Variants in AGK observed in about 807,000 individuals in gnomAD.
AGK encodes acylglycerol kinase, mitochondrial.
In AGK, 52 loss-of-function variants were observed where a neutral mutation model predicts 66.4. That is an observed-to-expected ratio of 0.78 (90% CI 0.63 to 0.99). AGK has a LOEUF of 0.99. AGK is among the 50% of genes least tolerant of loss of function. The pLI is 0.00. For missense variants in AGK, 451 were observed against 506.6 expected, an observed-to-expected ratio of 0.89 and a Z score of 1.05; for synonymous variants, 182 against 181.1, an observed-to-expected ratio of 1.00 and a Z score of -0.04.
At chr7:141,642,128 C>T (rs1009876881) in intron 13 of AGK, among the ~76,000 whole-genome samples, 10 of 152,312 alleles carry the variant, frequency 6.6e-5, no homozygotes, top group African/African-American at 2.2e-4. Context: ...GCTCTGATTA[C>T]ATGTTCTGCT....
chr7:141,565,842 C>T (rs1587066917), intron 2 of AGK, among the ~76,000 whole-genome samples: 1 of 152,276 alleles, frequency 6.6e-6, no homozygotes, highest in South Asian at 2.1e-4. Flanking sequence ...ACAGCCTCCT[C>T]ACTGTTCTGG....
chr7:141,624,034 T>C (rs1796882838), intron 9 of AGK, among the ~76,000 whole-genome samples: 1 of 152,060 alleles, frequency 6.6e-6, no homozygotes, highest in African/African-American at 2.4e-5. Context: ...GTTTACTGAA[T>C]ATTTTAAGCC....
chr7:141,567,492 A>G (rs543868220), intron 2 of AGK, among the ~76,000 whole-genome samples: 1 of 152,122 alleles, frequency 6.6e-6, no homozygotes, highest in Admixed American at 6.5e-5. Context: ...CCAAGTTTCA[A>G]AGAAAAAAAA....
intron 4 of AGK, 148 bp downstream of exon 4, chr7:141,596,789 T>C (rs770650517): frequency 3.0e-6 from 2 of 661,442 alleles, no homozygotes; most frequent in Non-Finnish European, 5.2e-6. Context: ...AATGTAGAAA[T>C]AACAGTTAAA....
At position 141,596,298 on chromosome 7, in the gene AGK, G is replaced by A. The variant is rs185610803; in HGVS notation, c.142-264G>A. ...ATAATAAACCTAGCTATATCTTATA[G>A]AGAAAATAAATGTTATTTGCCTCTA... On this transcript the variant is annotated intron_variant, in intron 3 of 15. Coordinates refer to ENST00000649286, the MANE Select transcript of AGK (RefSeq NM_018238.4). Among the ~76,000 whole-genome samples the A allele has an allele frequency of 3.0e-4, 46 of 152,224 alleles. No individual in the cohort carries two copies. The East Asian group carries it at 8.5e-3, about 28-fold the overall frequency.
intron 7 of AGK, 104 bp from the exon 8 acceptor site, chr7:141,615,367 G>A: frequency 1.2e-6 from 1 of 825,984 alleles, no homozygotes; most frequent in Non-Finnish European, 2.0e-6. Context: ...TGGGGAGGCA[G>A]ATACAGGGTC....
intron 14 of AGK, 98 bp from the exon 15 acceptor site, chr7:141,651,427 T>C (rs947377163): frequency 2.5e-5 from 23 of 936,158 alleles, no homozygotes; most frequent in Non-Finnish European, 3.1e-5. Context: ...TGTCCACTTA[T>C]GTAAGCTCAT....
intron 9 of AGK, among the ~76,000 whole-genome samples, chr7:141,629,782 T>TC (rs1562978852): frequency 6.6e-6 from 1 of 151,244 alleles, no homozygotes; most frequent in African/African-American, 2.4e-5. Flanking sequence ...TAAAAACTCT[T>TC]CCCCCCGAGA....
At chr7:141,578,610 G>C (rs1293020238) in intron 2 of AGK, among the ~76,000 whole-genome samples, 3 of 151,918 alleles carry the variant, frequency 2.0e-5, no homozygotes, top group Admixed American at 6.5e-5. Flanking sequence ...CAGGAGTAGG[G>C]GCAGTGTGGG....
At chr7:141,593,536 A>T in intron 3 of AGK, 2 of 600,732 alleles carry the variant, frequency 3.3e-6, no homozygotes, top group Non-Finnish European at 5.9e-6. Flanking sequence ...ACCCCCAAGG[A>T]TATCAGTTCA....
chr7:141,594,592 C>T (rs1796190921), intron 3 of AGK, among the ~76,000 whole-genome samples: 1 of 152,158 alleles, frequency 6.6e-6, no homozygotes, highest in African/African-American at 2.4e-5. Flanking sequence ...AATTCTCTCT[C>T]CTCATACTTT....
At chr7:141,651,149 CAAG>C (rs1797547073) in intron 14 of AGK, among the ~76,000 whole-genome samples, 1 of 152,160 alleles carries the variant, frequency 6.6e-6, no homozygotes, top group South Asian at 2.1e-4. Flanking sequence ...CAAGTAATCA[CAAG>C]AAGTACCAAA....
Position 141,555,436 on chromosome 7 carries a change from C to T in AGK, c.-14-17C>T, listed in dbSNP as rs113304333. The T allele has an allele frequency of 3.3e-5, 51 of 1,542,724 alleles. No individual in the cohort carries two copies. The highest frequency in any genetic ancestry group is 8.7e-5 in the Admixed American group (5 of 57,388). ...GATAAATTATATTTTTTTCTCTTTC[C>T]GCCTCTACTAACCTAGCAAATCTCT... On this transcript the variant is annotated splice_polypyrimidine_tract_variant and intron_variant, in intron 1 of 15. Coordinates refer to ENST00000649286, the MANE Select transcript of AGK (RefSeq NM_018238.4). This position sits in a 1 kb window ranked among gnomAD's most constrained non-coding sequence, Gnocchi z 4.2.
Position 141,555,602 on chromosome 7 carries a change from C to CT in AGK, c.101+36dup, listed in dbSNP as rs1795192570. 6.5e-7 allele frequency: 1 copy of CT among 1,533,642 alleles called. No individual in the cohort carries two copies. On this transcript the variant is annotated intron_variant, in intron 2 of 15. Coordinates refer to ENST00000649286, the MANE Select transcript of AGK (RefSeq NM_018238.4). This position sits in a 1 kb window ranked among gnomAD's most constrained non-coding sequence, Gnocchi z 4.2. ...TGACAGCCCCATCCCACCTTTGCAT[C>CT]TGCAGCAAAACAGCCCCAAAGGGCC...
intron 12 of AGK, 40 bp downstream of exon 12, chr7:141,641,438 A>G (rs1797287992): frequency 6.3e-7 from 1 of 1,577,924 alleles, no homozygotes; most frequent in African/African-American, 1.4e-5. Context: ...GGCCCTGGTC[A>G]GTTTAGAAGT....
chr7:141,571,208 C>T (rs757851535), intron 2 of AGK, among the ~76,000 whole-genome samples: 8 of 152,222 alleles, frequency 5.3e-5, no homozygotes, highest in Non-Finnish European at 1.0e-4. Context: ...GCAAGTGCCT[C>T]ATCACTGTGT....
chr7:141,646,088 C>A (rs1797404887), intron 13 of AGK, among the ~76,000 whole-genome samples: 1 of 152,108 alleles, frequency 6.6e-6, no homozygotes, highest in East Asian at 1.9e-4. Context: ...ACACAGAGCC[C>A]ATGCCCTACC....
At chr7:141,604,402 A>ATATATATATATATATATT (rs1796410248) in intron 5 of AGK, among the ~76,000 whole-genome samples, 1 of 145,300 alleles carries the variant, frequency 6.9e-6, no homozygotes, top group Non-Finnish European at 1.5e-5. Flanking sequence ...ATATATATAT[A>ATATATATATATATATATT]TACACATACA....
At position 141,560,371 on chromosome 7, in the gene AGK, GTCT is replaced by G. The variant is rs924212975; in HGVS notation, c.101+4809_101+4811del. Among the ~76,000 whole-genome samples, 72 of 151,152 alleles carry G rather than the reference GTCT, an allele frequency of 4.8e-4. 1 individual carries two copies. The highest frequency in any genetic ancestry group is 1.6e-3 in the African/African-American group (68 of 41,230). On this transcript the variant is annotated intron_variant, in intron 2 of 15. Transcript: ENST00000649286. ...TACCCTGAGAAGATCTTACCCTGTA[GTCT>G]TCTTGAGTGGAAGCTGCCTTGTCCT...
Sources: gnomAD v4.1 joint callset for allele counts (sites outside exome capture counted in the v4.1 genomes callset) on GRCh38, gnomAD v4.1.1 for gene constraint, Gnocchi (gnomAD v3.1) non-coding constraint, MANE v1.5 for transcripts, NCBI Gene and HGNC (gene_info 2026-07-23, HGNC 2026-07-21) for gene names.